ADAMTSL1: variants seen among roughly 807,000 people sequenced by gnomAD.
ADAMTSL1 encodes the protein ADAMTS-like protein 1.
In ADAMTSL1, 126 loss-of-function variants were observed where a neutral mutation model predicts 201.8. The observed-to-expected ratio is 0.62, with a 90% CI of 0.54 to 0.72. The LOEUF (loss-of-function observed/expected upper bound fraction) is 0.72. Among genes scored for constraint, ADAMTSL1 ranks in the 30% least tolerant of loss-of-function variants. ADAMTSL1 has a pLI of 0.00. For missense variants in ADAMTSL1, 2,679 were observed against 2,277.8 expected, an observed-to-expected ratio of 1.18 and a Z score of -3.59; for synonymous variants, 1,121 against 903.4, an observed-to-expected ratio of 1.24 and a Z score of -4.32.
intron 2 of ADAMTSL1, among the ~76,000 whole-genome samples, chr9:18,356,103 T>A (rs1836210923): frequency 1.3e-5 from 2 of 152,172 alleles, no homozygotes; most frequent in South Asian, 4.1e-4. Flanking sequence ...GCGGGTAGTT[T>A]TACTGAGTGA....
chr9:18,349,124 C>G (rs1322531154), intron 2 of ADAMTSL1, among the ~76,000 whole-genome samples: 2 of 152,140 alleles, frequency 1.3e-5, no homozygotes, highest in Non-Finnish European at 2.9e-5. Context: ...AGTCAGTGCT[C>G]TTAACCATCA....
chr9:17,929,745 G>C (rs1222104823), intron 1 of ADAMTSL1, among the ~76,000 whole-genome samples: 1 of 152,156 alleles, frequency 6.6e-6, no homozygotes, highest in Non-Finnish European at 1.5e-5. Context: ...CACTTCCCCA[G>C]AAAGTCCTGA....
chr9:18,285,666 A>T (rs1832964932), intron 2 of ADAMTSL1, among the ~76,000 whole-genome samples: 3 of 151,636 alleles, frequency 2.0e-5, no homozygotes. Flanking sequence ...ATGTTATCCT[A>T]GTTTGTCCCT....
At chr9:18,789,008 T>C (rs2133813207) in intron 19 of ADAMTSL1, among the ~76,000 whole-genome samples, 1 of 152,308 alleles carries the variant, frequency 6.6e-6, no homozygotes, top group African/African-American at 2.4e-5. Flanking sequence ...ACGTGCTACG[T>C]GGCCTCACTT....
intron 4 of ADAMTSL1, among the ~76,000 whole-genome samples, chr9:18,600,735 T>C (rs1824594453): frequency 6.6e-6 from 1 of 152,198 alleles, no homozygotes; most frequent in East Asian, 1.9e-4. Flanking sequence ...ATCAATTTGA[T>C]GCCACATTAA....
intron 15 of ADAMTSL1, among the ~76,000 whole-genome samples, chr9:18,743,397 T>C (rs962887694): frequency 2.0e-5 from 3 of 152,254 alleles, no homozygotes; most frequent in Admixed American, 2.0e-4. Flanking sequence ...GTGCCATTTT[T>C]TTCAAGAGCT....
At chr9:18,139,889 C>G (rs1671408763) in intron 1 of ADAMTSL1, among the ~76,000 whole-genome samples, 1 of 152,026 alleles carries the variant, frequency 6.6e-6, no homozygotes, top group South Asian at 2.1e-4. Context: ...CAGCCAGTCA[C>G]CAAAGCTCAT....
chr9:18,012,261 C>T (rs1820083099), intron 1 of ADAMTSL1, among the ~76,000 whole-genome samples: 1 of 151,982 alleles, frequency 6.6e-6, no homozygotes, highest in Non-Finnish European at 1.5e-5. Flanking sequence ...CACATCTGAC[C>T]ACCAACTCAG....
intron 23 of ADAMTSL1, among the ~76,000 whole-genome samples, chr9:18,832,052 C>A (rs1158762392): frequency 6.6e-6 from 1 of 152,174 alleles, no homozygotes; most frequent in Non-Finnish European, 1.5e-5. Context: ...TGTTCAGAAA[C>A]AACTGTAAAA....
In ADAMTSL1 at chr9:18,300,902, T is replaced by C. The variant is rs1216313819; in HGVS notation, c.207+136921T>C. The stretch of plus-strand genomic sequence containing the variant: ...TAGTTTTTAGCCATGTAGAAAATTA[T>C]ATTGAGACTATATTGAGAGACATTT... On this transcript the variant is annotated intron_variant, in intron 2 of 29. Transcript: ENST00000680146. Among the ~76,000 whole-genome samples the C allele has an allele frequency of 2.6e-5, 4 of 152,204 alleles. No homozygotes were observed. In the East Asian group the frequency reaches 5.8e-4, roughly 22 times the overall value.
rs551987826 is a variant in ADAMTSL1 at position 18,813,564 on chromosome 9, G to A, written c.3806-3545G>A. ...CCTCCTTGGTTAAATTTGTTCCTAAGGGGTTTTTTGTAGCTATTGTAAATG... is the reference window on the plus strand; with the variant it reads ...CCTCCTTGGTTAAATTTGTTCCTAAAGGGTTTTTTGTAGCTATTGTAAATG... On this transcript the variant is annotated intron_variant, in intron 20 of 28. Coordinates refer to ENST00000380548, the MANE Select transcript of ADAMTSL1 (RefSeq NM_001040272.6). Among the ~76,000 whole-genome samples, 3 of 152,208 alleles carry A rather than the reference G, an allele frequency of 2.0e-5. No homozygotes were observed. The South Asian group carries it at 6.2e-4, about 32-fold the overall frequency.
chr9:18,751,119 G>A (rs2133600195), intron 15 of ADAMTSL1, among the ~76,000 whole-genome samples: 1 of 152,288 alleles, frequency 6.6e-6, no homozygotes, highest in Non-Finnish European at 1.5e-5. Flanking sequence ...GGAAGGCATG[G>A]CAAAGAATGT....
At chr9:18,905,646 A>C in intron 26 of ADAMTSL1, 136 bp from the exon 27 acceptor site, 1 of 648,840 alleles carries the variant, frequency 1.5e-6, no homozygotes, top group South Asian at 1.9e-5. Flanking sequence ...GTTAGCCCAA[A>C]GAGGGGAAAG....
At chr9:18,549,792 G>A (rs916792802) in intron 3 of ADAMTSL1, among the ~76,000 whole-genome samples, 9 of 151,914 alleles carry the variant, frequency 5.9e-5, no homozygotes, top group Admixed American at 4.6e-4. Flanking sequence ...AGTGACCAAC[G>A]AGTCTATGTG....
chr9:17,992,658 G>A (rs1819207021), intron 1 of ADAMTSL1, among the ~76,000 whole-genome samples: 1 of 152,168 alleles, frequency 6.6e-6, no homozygotes, highest in South Asian at 2.1e-4. Flanking sequence ...CTGTGTGGCA[G>A]CATGGGCCTG....
chr9:17,964,115 A>T (rs1360523522), intron 1 of ADAMTSL1, among the ~76,000 whole-genome samples: 1 of 152,190 alleles, frequency 6.6e-6, no homozygotes, highest in East Asian at 1.9e-4. Context: ...TTGATCAAAA[A>T]GTTTACAAAC....
intron 22 of ADAMTSL1, among the ~76,000 whole-genome samples, chr9:18,827,894 C>A (rs1188174139): frequency 1.3e-5 from 2 of 152,162 alleles, no homozygotes; most frequent in Non-Finnish European, 2.9e-5. Context: ...GATCACAGTT[C>A]TTGGTTTATT....
intron 2 of ADAMTSL1, among the ~76,000 whole-genome samples, chr9:18,369,659 C>G (rs564256821): frequency 7.2e-4 from 110 of 152,178 alleles, no homozygotes; most frequent in Admixed American, 2.6e-3. Flanking sequence ...ATTATTGTAT[C>G]AAAAAGATAC....
chr9:18,395,055 G>T (rs942946855), intron 2 of ADAMTSL1, among the ~76,000 whole-genome samples: 1 of 152,096 alleles, frequency 6.6e-6, no homozygotes, highest in African/African-American at 2.4e-5. Flanking sequence ...GTCCCAACTT[G>T]GTAAATAGTG....
Sources: allele counts gnomAD v4.1 joint callset (sites outside exome capture counted in the v4.1 genomes callset), GRCh38; gene constraint gnomAD v4.1.1; transcripts MANE v1.5; gene names NCBI Gene and HGNC (gene_info 2026-07-23, HGNC 2026-07-21).